TEX11: variants seen among roughly 807,000 people sequenced by gnomAD.
The protein encoded by TEX11 is testis expressed 11, also known as testis-expressed protein 11.
TEX11 carries 7 observed loss-of-function variants against 84.4 expected under a neutral mutation model. The observed-to-expected ratio is 0.08, with a 90% CI of 0.05 to 0.16. The LOEUF (loss-of-function observed/expected upper bound fraction) is 0.16. TEX11 is among the 10% of genes least tolerant of loss of function. The pLI is 1.00. For synonymous variants in TEX11, 264 were observed against 222.8 expected, an observed-to-expected ratio of 1.18 and a Z score of -1.64; for missense variants, 551 against 660.5, an observed-to-expected ratio of 0.83 and a Z score of 1.82.
chrX:70,839,997 G>A (rs145301504), intron 7 of TEX11, among the ~76,000 whole-genome samples: 4,053 of 111,645 alleles, frequency 0.036, 176 homozygotes, highest in African/African-American at 0.12. Context: ...CCAAATCTAC[G>A]TCTGATTGGT....
chrX:70,877,270 G>A (rs765689548), intron 3 of TEX11, among the ~76,000 whole-genome samples: 42 of 108,087 alleles, frequency 3.9e-4, no homozygotes, highest in Middle Eastern at 9.6e-3. Flanking sequence ...CTCCAGCCTG[G>A]GCAACAGAGT....
chrX:70,573,993 T>C (rs1314112336), intron 25 of TEX11, among the ~76,000 whole-genome samples: 2 of 112,077 alleles, frequency 1.8e-5, no homozygotes, highest in Admixed American at 9.5e-5. Flanking sequence ...GAATACTTTA[T>C]ACCAAAGTCA....
downstream of TEX11, among the ~76,000 whole-genome samples, chrX:70,526,580 A>G (rs1006926969): frequency 7.2e-5 from 8 of 110,776 alleles, no homozygotes; most frequent in African/African-American, 2.0e-4. Flanking sequence ...AAAAAAAAAA[A>G]AAAGAAAGAA....
chrX:70,901,419 G>T (rs1323229188), intron 2 of TEX11, among the ~76,000 whole-genome samples: 1 of 111,849 alleles, frequency 8.9e-6, no homozygotes, highest in Non-Finnish European at 1.9e-5. Flanking sequence ...TTTTGTCATT[G>T]TCCCAACATC....
intron 24 of TEX11, among the ~76,000 whole-genome samples, chrX:70,592,251 TAGTA>T (rs2088942505): frequency 9.0e-6 from 1 of 111,270 alleles, no homozygotes; most frequent in African/African-American, 3.3e-5. Flanking sequence ...TACTAAGTCT[TAGTA>T]AGAACAGTAA....
chrX:70,800,003 C>CT (rs992810538), intron 9 of TEX11, among the ~76,000 whole-genome samples: 13 of 107,625 alleles, frequency 1.2e-4, no homozygotes, highest in African/African-American at 1.7e-4. Context: ...TTCGTCCCTT[C>CT]TTTTTTTTTT....
intron 15 of TEX11, among the ~76,000 whole-genome samples, chrX:70,671,114 CTA>C (rs1000787282): frequency 6.6e-4 from 74 of 111,518 alleles, no homozygotes; most frequent in Admixed American, 1.2e-3. Flanking sequence ...AGGGTTTTTA[CTA>C]TTGTAATTGA....
At position 70,853,097 on chromosome X, in the gene TEX11, C is replaced by G. The variant is rs747871574; in HGVS notation, c.462G>C (p.Leu154Phe). Residue 154 changes from leucine to phenylalanine, a missense_variant, in exon 7 of 30, where the codon TTG becomes TTC. Leu to Phe is a conservative substitution (Grantham distance 22, BLOSUM62 0). Coordinates refer to ENST00000374333, the MANE Select transcript of TEX11 (RefSeq NM_031276.3). ...LIQRSSPEAD[L>F]TMEKITVESD... ...TCTCAACAGTAATCTTCTCCATGGTCAAGTCAGCCTCAGGGGAGCTCCTTT... is the reference window on the plus strand; with the variant it reads ...TCTCAACAGTAATCTTCTCCATGGTGAAGTCAGCCTCAGGGGAGCTCCTTT... 3 of 1,207,097 alleles carry G rather than the reference C, an allele frequency of 2.5e-6. No individual in the cohort carries two copies. The African/African-American group carries it at 5.3e-5, about 21-fold the overall frequency.
At chrX:70,581,580 A>G (rs1853755) in intron 25 of TEX11, among the ~76,000 whole-genome samples, 9,126 of 110,427 alleles carry the variant, frequency 0.083, 848 homozygotes, top group African/African-American at 0.27. Context: ...TTACAGGCAT[A>G]AGCCACCGCG....
chrX:70,794,121 G>T (rs1379788694), intron 9 of TEX11, among the ~76,000 whole-genome samples: 1 of 111,811 alleles, frequency 8.9e-6, no homozygotes, highest in East Asian at 2.8e-4. Flanking sequence ...GGGTAGGAAA[G>T]ACAGTCTTGA....
At chrX:70,628,290 C>T (rs1371859405) in intron 18 of TEX11, among the ~76,000 whole-genome samples, 3 of 110,248 alleles carry the variant, frequency 2.7e-5, no homozygotes, top group African/African-American at 9.9e-5. Context: ...AAACATAAGC[C>T]CTCCATCACT....
At chrX:70,725,156 C>T in intron 12 of TEX11, 106 bp downstream of exon 12, 1 of 427,826 alleles carries the variant, frequency 2.3e-6, no homozygotes, top group Admixed American at 4.5e-5. Flanking sequence ...TCCTTCTCAG[C>T]CACCATCAAA....
intron 24 of TEX11, among the ~76,000 whole-genome samples, chrX:70,602,843 C>T (rs1342830156): frequency 1.2e-5 from 1 of 80,553 alleles, no homozygotes; most frequent in Non-Finnish European, 2.4e-5. Flanking sequence ...TGATAAGCAA[C>T]TTCAGCAAAG....
At chrX:70,842,412 C>T (rs1298515240) in intron 7 of TEX11, among the ~76,000 whole-genome samples, 13 of 111,278 alleles carry the variant, frequency 1.2e-4, no homozygotes, top group African/African-American at 3.6e-4. Context: ...GCAGAAAAGG[C>T]CTTTGACAAA....
intron 9 of TEX11, among the ~76,000 whole-genome samples, chrX:70,783,856 G>C (rs1180555868): frequency 1.8e-5 from 2 of 111,412 alleles, no homozygotes; most frequent in Non-Finnish European, 3.8e-5. Flanking sequence ...CCAAAAAAAA[G>C]TCCAGGACCA....
At chrX:70,777,716 G>T (rs2091011189) in intron 9 of TEX11, among the ~76,000 whole-genome samples, 1 of 110,945 alleles carries the variant, frequency 9.0e-6, no homozygotes, top group African/African-American at 3.3e-5. Context: ...TTACATAACT[G>T]TCATGGCAAC....
At chrX:70,691,899 A>G (rs1328002671) in intron 13 of TEX11, among the ~76,000 whole-genome samples, 1 of 111,599 alleles carries the variant, frequency 9.0e-6, no homozygotes, top group African/African-American at 3.3e-5. Context: ...TAGGTATATC[A>G]AAACATCACA....
intron 25 of TEX11, among the ~76,000 whole-genome samples, chrX:70,578,764 CTTTTTTT>C (rs869110075): frequency 4.0e-5 from 2 of 50,172 alleles, no homozygotes; most frequent in Non-Finnish European, 3.5e-5. Context: ...AGTTGAACTT[CTTTTTTT>C]TTTTTTTTTT....
At chrX:70,563,144 G>A (rs1359284345) in intron 25 of TEX11, among the ~76,000 whole-genome samples, 1 of 111,682 alleles carries the variant, frequency 9.0e-6, no homozygotes, top group African/African-American at 3.3e-5. Flanking sequence ...TCGGATAGGC[G>A]AAATGCCCTT....
Sources: allele counts gnomAD v4.1 joint callset (sites outside exome capture counted in the v4.1 genomes callset), GRCh38; gene constraint gnomAD v4.1.1; transcripts MANE v1.5; gene names NCBI Gene and HGNC (gene_info 2026-07-23, HGNC 2026-07-21).